Variants in VPS13A observed in about 807,000 individuals in gnomAD.
The protein encoded by VPS13A is vacuolar protein sorting 13 homolog A, also known as intermembrane lipid transfer protein VPS13A.
Under a neutral mutation model 390.9 loss-of-function variants are expected in VPS13A, and 264 were observed. That is an observed-to-expected ratio of 0.68 (90% confidence interval 0.61 to 0.75). The LOEUF (loss-of-function observed/expected upper bound fraction) is 0.75, where lower values mean the gene tolerates loss of function less well. Among genes scored for constraint, VPS13A ranks in the 30% least tolerant of loss-of-function variants. VPS13A has a pLI of 0.00. For missense variants in VPS13A, 3,409 were observed against 3,733.9 expected (o/e 0.91, Z 2.27); for synonymous variants, 1,231 against 1,227.1 (o/e 1.00, Z -0.07).
At chr9:77,337,986 AT>A (rs969806370) in intron 47 of VPS13A, 13 of 156,022 alleles carry the variant, frequency 8.3e-5, no homozygotes, top group Non-Finnish European at 1.8e-4. Flanking sequence ...TTTTAAAAAA[AT>A]TTTTTTGAGA....
chr9:77,331,897 T>A, intron 45 of VPS13A, 113 bp from the exon 46 acceptor site: 1 of 704,690 alleles, frequency 1.4e-6, no homozygotes, highest in South Asian at 1.7e-5. Flanking sequence ...ATAAGCAAGA[T>A]GAATATTGCC....
chr9:77,328,750 A>G (rs1830136481), intron 45 of VPS13A, among the ~76,000 whole-genome samples: 1 of 152,254 alleles, frequency 6.6e-6, no homozygotes, highest in Middle Eastern at 3.4e-3. Context: ...GCCTTCATAC[A>G]ATTGAAGAGA....
At chr9:77,182,877 A>T (rs998591291) in intron 1 of VPS13A, among the ~76,000 whole-genome samples, 7 of 152,096 alleles carry the variant, frequency 4.6e-5, no homozygotes, top group Admixed American at 2.6e-4. Flanking sequence ...TAATAGAATC[A>T]TGTGTTTAGT....
chr9:77,251,777 A>G (rs1825160443), intron 21 of VPS13A, among the ~76,000 whole-genome samples: 1 of 152,108 alleles, frequency 6.6e-6, no homozygotes, highest in South Asian at 2.1e-4. Flanking sequence ...ATCCAAGTAG[A>G]CTTGGATGTG....
At chr9:77,409,191 G>T (rs1021254378) in intron 71 of VPS13A, among the ~76,000 whole-genome samples, 1 of 152,204 alleles carries the variant, frequency 6.6e-6, no homozygotes, top group African/African-American at 2.4e-5. Context: ...AACAGGTCTG[G>T]AGTGGACCTC....
In VPS13A at chr9:77,177,667, G is replaced by A; in HGVS notation, c.-38G>A. The A allele has an allele frequency of 6.3e-7, 1 of 1,584,574 alleles. No individual in the cohort carries two copies. ...TGGGGAAGGCGGCGGGAGGAGGAGC[G>A]CACGGGCCGGCTGCCGTGCCCACCA... On this transcript the variant is annotated 5_prime_UTR_variant, in exon 1 of 72. Transcript: ENST00000360280.
intron 67 of VPS13A, among the ~76,000 whole-genome samples, chr9:77,376,824 G>C (rs1299921128): frequency 6.6e-6 from 1 of 152,130 alleles, no homozygotes; most frequent in Non-Finnish European, 1.5e-5. Flanking sequence ...ATCACCAAGG[G>C]AATGAGACTG....
At chr9:77,210,027 A>C (rs972936651) in intron 6 of VPS13A, among the ~76,000 whole-genome samples, 1 of 152,200 alleles carries the variant, frequency 6.6e-6, no homozygotes, top group African/African-American at 2.4e-5. Flanking sequence ...TACATTAATA[A>C]TTAGTATTCT....
intron 34 of VPS13A, among the ~76,000 whole-genome samples, chr9:77,307,705 A>C (rs1318882827): frequency 6.6e-6 from 1 of 152,220 alleles, no homozygotes; most frequent in Non-Finnish European, 1.5e-5. Flanking sequence ...CATTAATAAC[A>C]AATAGTTCTT....
rs753762961 is a variant in VPS13A at position 77,368,071 on chromosome 9, C to G, written c.8488C>G (p.Leu2830Val). 1 of 1,612,160 alleles carries G rather than the reference C, an allele frequency of 6.2e-7. No individual in the cohort carries two copies. The highest frequency in any genetic ancestry group is 8.5e-7 in the Non-Finnish European group (1 of 1,179,398). ...TTTTTTCAGGCTTGCATTTTTTGAACTCAACTATCAGTTCCATACAACATC... is the reference window on the plus strand; with the variant it reads ...TTTTTTCAGGCTTGCATTTTTTGAAGTCAACTATCAGTTCCATACAACATC... ...DVVFKLAFFELNYQFHTTSDL... is the reference protein window; with the variant it reads ...DVVFKLAFFEVNYQFHTTSDL... The change falls in exon 62 of 72, where the codon CTC (leucine) becomes GTC (valine). Residue 2830 changes from leucine to valine, a missense_variant. Leu to Val is a conservative substitution (Grantham distance 32). Transcript: ENST00000360280.
chr9:77,245,639 G>A (rs1344015714), intron 19 of VPS13A, among the ~76,000 whole-genome samples: 1 of 152,096 alleles, frequency 6.6e-6, no homozygotes, highest in African/African-American at 2.4e-5. Flanking sequence ...AAATGCCAGG[G>A]TTTTTTCTTC....
At chr9:77,272,597 A>G (rs1316617517) in intron 23 of VPS13A, among the ~76,000 whole-genome samples, 1 of 152,216 alleles carries the variant, frequency 6.6e-6, no homozygotes, top group Non-Finnish European at 1.5e-5. Flanking sequence ...CATATATGCT[A>G]CAGTTTGGAA....
intron 68 of VPS13A, among the ~76,000 whole-genome samples, chr9:77,383,253 T>C (rs889048301): frequency 6.6e-6 from 1 of 152,004 alleles, no homozygotes; most frequent in African/African-American, 2.4e-5. Context: ...ATGCAATATT[T>C]AGTTAAGTGA....
chr9:77,183,162 A>C (rs968659252), intron 1 of VPS13A, among the ~76,000 whole-genome samples: 1 of 152,230 alleles, frequency 6.6e-6, no homozygotes, highest in Non-Finnish European at 1.5e-5. Flanking sequence ...GTGCCTCTCC[A>C]TATACCCATT....
intron 68 of VPS13A, among the ~76,000 whole-genome samples, chr9:77,383,485 G>T (rs1309564662): frequency 6.6e-6 from 1 of 151,928 alleles, no homozygotes; most frequent in Non-Finnish European, 1.5e-5. Flanking sequence ...TTGTTAGAAC[G>T]CATTTAACAA....
At position 77,214,406 on chromosome 9, in the gene VPS13A, TAAAA is replaced by T. The variant is rs745449192; in HGVS notation, c.754+24_754+27del. On this transcript the variant is annotated intron_variant, in intron 10 of 71. Transcript: ENST00000360280. Reference sequence around the variant, plus strand: ...ATTTTGGTAAGTACATTTTATAAGATAAAAAAAGTAGTTAAAGTAATTGGTATAA... The same window carrying T: ...ATTTTGGTAAGTACATTTTATAAGATAAAGTAGTTAAAGTAATTGGTATAA... The T allele has an allele frequency of 5.0e-6, 8 of 1,590,198 alleles. No individual in the cohort carries two copies. Among genetic ancestry groups the T allele is most frequent in the African/African-American group, 2.7e-5 (2 of 74,404 alleles).
At chr9:77,200,292 G>T (rs1825251583) in intron 2 of VPS13A, among the ~76,000 whole-genome samples, 1 of 152,094 alleles carries the variant, frequency 6.6e-6, no homozygotes, top group Non-Finnish European at 1.5e-5. Context: ...TTCGAGACTA[G>T]CCTGGCCAAC....
chr9:77,340,018 G>C, intron 48 of VPS13A, 107 bp downstream of exon 48: 1 of 1,453,922 alleles, frequency 6.9e-7, no homozygotes. Flanking sequence ...GAAATAACTT[G>C]TTAAATATTT....
In VPS13A at chr9:77,200,412, C is replaced by G. The variant is rs559346675; in HGVS notation, c.144+424C>G. On this transcript the variant is annotated intron_variant, in intron 2 of 71. Transcript: ENST00000360280. ...GATGAGGCAGGAGAATCGCTTGAAC[C>G]CAGGAGGTGGAGGCTGTAGTAAATG... 2.0e-5 allele frequency among the ~76,000 whole-genome samples: 3 copies of G among 152,258 alleles called. No homozygotes were observed. The South Asian group carries it at 6.2e-4, about 32-fold the overall frequency.
Sources: gnomAD v4.1 joint callset for allele counts (sites outside exome capture counted in the v4.1 genomes callset) on GRCh38, gnomAD v4.1.1 for gene constraint, MANE v1.5 for transcripts, NCBI Gene and HGNC (gene_info 2026-07-23, HGNC 2026-07-21) for gene names.